Variants in SYNE1 observed in about 807,000 individuals in gnomAD.
SYNE1 encodes spectrin repeat containing nuclear envelope protein 1.
SYNE1 carries 616 observed loss-of-function variants against 1,111.0 expected under a neutral mutation model. The observed-to-expected ratio is 0.55, with a 90% CI of 0.52 to 0.59. The LOEUF (loss-of-function observed/expected upper bound fraction) is 0.59. Ranked by LOEUF, SYNE1 falls within the 20% of genes least tolerant of loss-of-function variation. The probability of loss-of-function intolerance (pLI) is 0.00; values close to 1 mark genes in which losing one functional copy is unlikely to be tolerated. For missense variants in SYNE1, 10,006 were observed against 10,417.0 expected (o/e 0.96, Z 1.72); for synonymous variants, 3,855 against 3,825.8 (o/e 1.01, Z -0.28).
chr6:152,396,093 T>A (rs561975357), intron 50 of SYNE1, among the ~76,000 whole-genome samples: 6 of 152,334 alleles, frequency 3.9e-5, no homozygotes, highest in East Asian at 3.9e-4. Flanking sequence ...ATTTTGTGAC[T>A]TACTACAAAG....
intron 3 of SYNE1, among the ~76,000 whole-genome samples, chr6:152,555,201 G>T (rs1457431982): frequency 6.6e-6 from 1 of 152,046 alleles, no homozygotes; most frequent in Non-Finnish European, 1.5e-5. Context: ...TGTGTCTTTG[G>T]GGAAATTGGA....
intron 3 of SYNE1, among the ~76,000 whole-genome samples, chr6:152,576,163 G>A (rs2099495694): frequency 1.3e-5 from 2 of 152,278 alleles, no homozygotes; most frequent in South Asian, 4.1e-4. Flanking sequence ...GCTTGCTTTT[G>A]CAGTTATTGG....
At chr6:152,483,784 T>C (rs1271382663) in intron 13 of SYNE1, among the ~76,000 whole-genome samples, 1 of 152,090 alleles carries the variant, frequency 6.6e-6, no homozygotes, top group Non-Finnish European at 1.5e-5. Context: ...TCTCTCCATC[T>C]CTTCCATTTT....
intron 38 of SYNE1, among the ~76,000 whole-genome samples, chr6:152,426,592 G>T (rs1046779006): frequency 1.3e-5 from 2 of 152,260 alleles, no homozygotes; most frequent in Non-Finnish European, 2.9e-5. Context: ...GTAGCCTTGA[G>T]TCAGTGTCTT....
In SYNE1 at chr6:152,376,604, G is replaced by T. The variant is rs2097285923; in HGVS notation, c.9147-46C>A. ...TTTAATGGCAGGAAAAAGCGATAAAGTTGATGAAAATCATGTTTGATAGAA... is the reference window on the plus strand; with the variant it reads ...TTTAATGGCAGGAAAAAGCGATAAATTTGATGAAAATCATGTTTGATAGAA... On this transcript the variant is annotated intron_variant, in intron 57 of 145. Transcript: ENST00000367255. 5 of 1,606,202 alleles carry T rather than the reference G, an allele frequency of 3.1e-6. No individual in the cohort carries two copies. In the East Asian group the frequency reaches 1.1e-4, roughly 36 times the overall value.
chr6:152,467,346 C>A (rs189734912), intron 16 of SYNE1, among the ~76,000 whole-genome samples: 1 of 152,096 alleles, frequency 6.6e-6, no homozygotes, highest in Non-Finnish European at 1.5e-5. Context: ...GAATAATTTA[C>A]TAGAATTTAA....
At position 152,180,104 on chromosome 6, in the gene SYNE1, A is replaced by C. The variant is rs371904317; in HGVS notation, c.23460+32T>G. 222 of 1,613,118 alleles carry C rather than the reference A, an allele frequency of 1.4e-4. 1 individual carries two copies. The highest frequency in any genetic ancestry group is 7.6e-6 in the Non-Finnish European group (9 of 1,179,382). On this transcript the variant is annotated intron_variant, in intron 129 of 145. Transcript: ENST00000367255. ...AAAAGTACACATAAGCCTTATGAAG[A>C]ATGAAAACCTAAGTAGCCATGCATT...
intron 29 of SYNE1, 33 bp from the exon 30 acceptor site, chr6:152,444,611 T>C (rs1485689570): frequency 6.4e-7 from 1 of 1,566,936 alleles, no homozygotes; most frequent in East Asian, 2.2e-5. Flanking sequence ...AACACGTAAA[T>C]CATATGCTAC....
At chr6:152,569,521 A>G (rs35638445) in intron 3 of SYNE1, among the ~76,000 whole-genome samples, 141 of 152,312 alleles carry the variant, frequency 9.3e-4, no homozygotes, top group Non-Finnish European at 1.8e-3. Context: ...AAGAGAAAAG[A>G]CCATATTTTA....
At chr6:152,480,676 G>T (rs897170721) in intron 14 of SYNE1, 1 of 443,460 alleles carries the variant, frequency 2.3e-6, no homozygotes, top group Non-Finnish European at 4.5e-6. Flanking sequence ...CCTAGTAGAA[G>T]TTCCTACCTC....
rs2098807757 is a variant in SYNE1, at chr6:152,471,908, T to C, written c.1464-143A>G. On this transcript the variant is annotated intron_variant, in intron 15 of 145. Coordinates refer to ENST00000367255, the MANE Select transcript of SYNE1 (RefSeq NM_182961.4). ...GGCTGATCATTTTCTGGAAATCCGA[T>C]TCCTTTTCTAGCTCTGGATTTAAAA... 5 of 835,102 alleles carry C rather than the reference T, an allele frequency of 6.0e-6. No individual in the cohort carries two copies. In the South Asian group the frequency reaches 6.6e-5, roughly 11 times the overall value. 51.7% of individuals were successfully genotyped at this position (835,102 alleles called of 1,614,324 possible).
intron 3 of SYNE1, among the ~76,000 whole-genome samples, chr6:152,547,561 A>G (rs2099320254): frequency 6.6e-6 from 1 of 152,236 alleles, no homozygotes; most frequent in Non-Finnish European, 1.5e-5. Flanking sequence ...TTTCATTTGC[A>G]GACACAAGGC....
chr6:152,249,542 C>T (rs1420082028), intron 104 of SYNE1, among the ~76,000 whole-genome samples: 2 of 152,212 alleles, frequency 1.3e-5, no homozygotes, highest in African/African-American at 4.8e-5. Context: ...AATCTCATTA[C>T]ATCCGAAATA....
chr6:152,440,228 C>T lies in SYNE1; in HGVS notation c.4149+902G>A, dbSNP rs530271534. 2.4e-4 allele frequency among the ~76,000 whole-genome samples: 37 copies of T among 152,286 alleles called. 1 individual carries two copies. The highest frequency in any genetic ancestry group is 6.8e-3 in the Middle Eastern group (2 of 294). ...GCAATAACTTAAATGGATCCCATGA[C>T]CCCAGTCTTTCACACTTTCAGTCAC... is the stretch of plus-strand genomic sequence containing the variant. On this transcript the variant is annotated intron_variant, in intron 32 of 145. Transcript: ENST00000367255.
chr6:152,286,134 T>A (rs1589350323), intron 95 of SYNE1, among the ~76,000 whole-genome samples: 1 of 152,326 alleles, frequency 6.6e-6, no homozygotes, highest in Middle Eastern at 3.4e-3. Context: ...AATATCATCA[T>A]GACAATTAAT....
At chr6:152,343,484 T>C (rs2096575751) in intron 74 of SYNE1, among the ~76,000 whole-genome samples, 1 of 150,600 alleles carries the variant, frequency 6.6e-6, no homozygotes, top group African/African-American at 2.4e-5. Context: ...TTTTTTTTTC[T>C]TTTTAATAGT....
intron 107 of SYNE1, 150 bp downstream of exon 107, chr6:152,242,090 A>C: frequency 2.8e-6 from 2 of 721,876 alleles, no homozygotes; most frequent in Admixed American, 2.1e-5. Flanking sequence ...GGGTTTGAAT[A>C]TAAATTTTTT....
intron 4 of SYNE1, among the ~76,000 whole-genome samples, chr6:152,536,668 C>T (rs1028577243): frequency 1.3e-5 from 2 of 151,266 alleles, no homozygotes; most frequent in African/African-American, 4.9e-5. Flanking sequence ...CCCCCCAAGC[C>T]TCTTGTATTC....
chr6:152,379,612 C>T (rs1424717798), intron 56 of SYNE1, among the ~76,000 whole-genome samples: 4 of 151,950 alleles, frequency 2.6e-5, no homozygotes, highest in African/African-American at 7.3e-5. Context: ...AGATAAAATG[C>T]CATTATTAGA....
Sources: gnomAD v4.1 joint callset for allele counts (sites outside exome capture counted in the v4.1 genomes callset) on GRCh38, gnomAD v4.1.1 for gene constraint, MANE v1.5 for transcripts, NCBI Gene and HGNC (gene_info 2026-07-23, HGNC 2026-07-21) for gene names.